ZC3H12B: variants seen among roughly 807,000 people sequenced by gnomAD.
ZC3H12B encodes the protein zinc finger CCCH-type containing 12B.
ZC3H12B carries 7 observed loss-of-function variants against 43.9 expected under a neutral mutation model. The ratio of observed to expected loss-of-function variants is 0.16; its 90% CI spans 0.09 to 0.30. The LOEUF (loss-of-function observed/expected upper bound fraction) is 0.30. ZC3H12B is among the 10% of genes least tolerant of loss of function. The probability of loss-of-function intolerance (pLI) is 1.00; values close to 1 mark genes in which losing one functional copy is unlikely to be tolerated. For missense variants in ZC3H12B, 475 were observed against 670.2 expected (o/e 0.71, Z 3.22); for synonymous variants, 222 against 241.7 (o/e 0.92, Z 0.76).
intron 1 of ZC3H12B, 104 bp from the exon 7 acceptor site, chrX:65,497,028 A>C: frequency 1.7e-6 from 1 of 596,715 alleles, no homozygotes; most frequent in Non-Finnish European, 2.5e-6. Context: ...AAAAGAATGT[A>C]AATGTCTATT....
intron 3 of ZC3H12B, among the ~76,000 whole-genome samples, chrX:65,425,702 G>A (rs181683496): frequency 1.6e-3 from 184 of 111,671 alleles, no homozygotes; most frequent in Non-Finnish European, 2.7e-3. Context: ...AGGCTTTTCT[G>A]CATCTATTGA....
Position 65,492,980 on chromosome X carries a change from G to A in ZC3H12B, c.608+3571G>A, listed in dbSNP as rs763324014. Among the ~76,000 whole-genome samples the A allele has an allele frequency of 2.0e-3, 226 of 111,090 alleles. 1 individual carries two copies. The highest frequency in any genetic ancestry group is 7.0e-3 in the African/African-American group (213 of 30,566). ...TAACCCAGCGTGGGGGTTCATGCCC[G>A]TAGTCCCAGCTACTTGGGGGGCTGA... is the stretch of plus-strand genomic sequence containing the variant. On this transcript the variant is annotated intron_variant, in intron 1 of 4. Transcript: ENST00000338957.
At chrX:65,355,565 T>TA in the ZC3H12B span, among the ~76,000 whole-genome samples, 2 of 111,420 alleles carry the variant, frequency 1.8e-5, no homozygotes, top group African/African-American at 6.5e-5. Flanking sequence ...TCTAGAAAAA[T>TA]AAAAATGACA....
At chrX:65,121,459 T>C in the ZC3H12B span, among the ~76,000 whole-genome samples, 1 of 112,054 alleles carries the variant, frequency 8.9e-6, no homozygotes. Flanking sequence ...TAGTATTCTC[T>C]GATGGTAGTT....
At chrX:65,375,519 T>C (rs1221191835) in intron 2 of ZC3H12B, among the ~76,000 whole-genome samples, 1 of 111,842 alleles carries the variant, frequency 8.9e-6, no homozygotes, top group Non-Finnish European at 1.9e-5. Context: ...AGCTCATGGC[T>C]GCGAAAGAGA....
chrX:65,093,004 A>G, the ZC3H12B span, among the ~76,000 whole-genome samples: 2 of 111,885 alleles, frequency 1.8e-5, no homozygotes, highest in Non-Finnish European at 3.8e-5. Context: ...AGCCAGGCCC[A>G]GTGCCCTTCT....
the ZC3H12B span, chrX:65,185,351 A>G: frequency 8.9e-6 from 1 of 112,148 alleles, no homozygotes; most frequent in Non-Finnish European, 1.9e-5. Context: ...GTCCTGACAG[A>G]TAGCTGTGAT....
chrX:65,267,552 GA>G, the ZC3H12B span, among the ~76,000 whole-genome samples: 3 of 110,421 alleles, frequency 2.7e-5, no homozygotes, highest in Non-Finnish European at 3.8e-5. Context: ...GGACTCATTC[GA>G]AAAAAAATTA....
chrX:65,260,033 G>A, the ZC3H12B span, among the ~76,000 whole-genome samples: 2 of 111,220 alleles, frequency 1.8e-5, no homozygotes, highest in Non-Finnish European at 3.8e-5. Context: ...AGGATGCAAA[G>A]GCATAAGAAT....
chrX:65,498,682 C>G (rs2068324851), intron 2 of ZC3H12B, among the ~76,000 whole-genome samples: 1 of 112,202 alleles, frequency 8.9e-6, no homozygotes, highest in Admixed American at 9.5e-5. Flanking sequence ...GGTGCTTTGG[C>G]CAAAGGGCAA....
At chrX:65,377,073 T>C (rs1569381696) in intron 2 of ZC3H12B, among the ~76,000 whole-genome samples, 1 of 109,414 alleles carries the variant, frequency 9.1e-6, no homozygotes, top group Non-Finnish European at 1.9e-5. Context: ...ATTCAAATAA[T>C]TAAAAAGAAT....
intron 3 of ZC3H12B, among the ~76,000 whole-genome samples, chrX:65,451,459 G>A (rs561099369): frequency 1.8e-5 from 2 of 110,246 alleles, no homozygotes; most frequent in South Asian, 3.9e-4. Flanking sequence ...TTTTGATTGG[G>A]CTATGTTTCT....
At chrX:65,409,815 A>G (rs1297076881) in intron 3 of ZC3H12B, among the ~76,000 whole-genome samples, 1 of 111,549 alleles carries the variant, frequency 9.0e-6, no homozygotes, top group Non-Finnish European at 1.9e-5. Flanking sequence ...ATTGAAGAGG[A>G]CACCAAAAAA....
the ZC3H12B span, among the ~76,000 whole-genome samples, chrX:65,342,477 A>C: frequency 8.9e-6 from 1 of 112,349 alleles, no homozygotes; most frequent in African/African-American, 3.2e-5. Flanking sequence ...AACACAGCAC[A>C]ATATAATTAG....
At chrX:65,076,158 C>CTT in the ZC3H12B span, among the ~76,000 whole-genome samples, 1 of 103,881 alleles carries the variant, frequency 9.6e-6, no homozygotes, top group Admixed American at 1.0e-4. Context: ...TCTCTTCTTT[C>CTT]TTTTTTTTTT....
intron 3 of ZC3H12B, among the ~76,000 whole-genome samples, chrX:65,427,604 C>T (rs1005996794): frequency 1.8e-5 from 2 of 111,193 alleles, no homozygotes; most frequent in African/African-American, 6.5e-5. Context: ...GCTGAGATTA[C>T]AGATAAGAGC....
At chrX:65,323,384 CT>C in the ZC3H12B span, among the ~76,000 whole-genome samples, 18 of 112,054 alleles carry the variant, frequency 1.6e-4, no homozygotes, top group Middle Eastern at 4.2e-3. Context: ...TGATGTTCCC[CT>C]CCCTGTGTCC....
At chrX:65,206,361 CACTT>C in the ZC3H12B span, among the ~76,000 whole-genome samples, 1 of 111,597 alleles carries the variant, frequency 9.0e-6, no homozygotes, top group Non-Finnish European at 1.9e-5. Flanking sequence ...TAAAGCCAAA[CACTT>C]ACAGCCAACT....
chrX:65,431,403 G>T (rs1421203412), intron 3 of ZC3H12B, among the ~76,000 whole-genome samples: 2 of 112,324 alleles, frequency 1.8e-5, no homozygotes, highest in Non-Finnish European at 3.8e-5. Flanking sequence ...TGTTTTTGTT[G>T]CTGGCAGATT....
Sources: allele counts gnomAD v4.1 joint callset (sites outside exome capture counted in the v4.1 genomes callset), GRCh38; gene constraint gnomAD v4.1.1; transcripts MANE v1.5; gene names NCBI Gene and HGNC (gene_info 2026-07-23, HGNC 2026-07-21).